Variants in ELOVL4 observed in about 807,000 individuals in gnomAD.
ELOVL4 encodes the protein ELOVL fatty acid elongase 4.
ELOVL4 carries 18 observed loss-of-function variants against 42.1 expected under a neutral mutation model. The observed-to-expected ratio is 0.43, with a 90% confidence interval of 0.30 to 0.63. The LOEUF (loss-of-function observed/expected upper bound fraction) is 0.63, where lower values mean the gene tolerates loss of function less well. Among genes scored for constraint, ELOVL4 ranks in the 30% least tolerant of loss-of-function variants. The pLI, the probability that ELOVL4 is intolerant of heterozygous loss-of-function variation, is 0.15. For missense variants in ELOVL4, 299 were observed against 376.2 expected (o/e 0.79, Z 1.70); for synonymous variants, 117 against 127.0 (o/e 0.92, Z 0.53).
chr6:79,921,470 A>C (rs1774255030), intron 4 of ELOVL4, among the ~76,000 whole-genome samples, 155 bp downstream of exon 4: 1 of 131,054 alleles, frequency 7.6e-6, no homozygotes, highest in Non-Finnish European at 1.6e-5. Context: ...AAAAAAAAAA[A>C]AAAAAAAAAA....
chr6:79,942,786 G>A (rs972994786), intron 1 of ELOVL4, among the ~76,000 whole-genome samples: 1 of 152,108 alleles, frequency 6.6e-6, no homozygotes, highest in Non-Finnish European at 1.5e-5. Flanking sequence ...TGCTATCATT[G>A]GGGAATGGAT....
At chr6:79,939,007 G>GA (rs1222599797) in intron 1 of ELOVL4, among the ~76,000 whole-genome samples, 1 of 152,036 alleles carries the variant, frequency 6.6e-6, no homozygotes, top group East Asian at 1.9e-4. Flanking sequence ...TAAATATATG[G>GA]AAAAAATGCC....
chr6:79,942,218 G>A (rs1044394032), intron 1 of ELOVL4, among the ~76,000 whole-genome samples: 1 of 152,154 alleles, frequency 6.6e-6, no homozygotes, highest in Non-Finnish European at 1.5e-5. Context: ...GAATACTGAA[G>A]GATCAAGCGA....
intron 1 of ELOVL4, among the ~76,000 whole-genome samples, chr6:79,946,568 T>C (rs1427005134): frequency 6.6e-6 from 1 of 152,174 alleles, no homozygotes; most frequent in Non-Finnish European, 1.5e-5. Context: ...TTCAAACATA[T>C]TTGCTGTTGA....
rs1338329967 is a variant in ELOVL4, at chr6:79,919,427, A to C, written c.662T>G (p.Leu221Trp). The change falls in exon 5 of 6, where the codon TTG becomes TGG. Residue 221 changes from leucine (L) to tryptophan (W), a missense_variant. Transcript: ENST00000369816. Reference sequence around the variant, plus strand: ...TGGAAGCATTTAACTCACCAGTTGCAACATAGTCAGGTATCGTTTCCACCA... The same window carrying C: ...TGGAAGCATTTAACTCACCAGTTGCCACATAGTCAGGTATCGTTTCCACCA... ...YLWWKRYLTM[L>W]QLIQFHVTIG... 2 of 1,613,834 alleles carry C rather than the reference A, an allele frequency of 1.2e-6. No homozygotes were observed. Among genetic ancestry groups the C allele is most frequent in the East Asian group, 2.2e-5 (1 of 44,802 alleles).
intron 1 of ELOVL4, among the ~76,000 whole-genome samples, chr6:79,942,711 C>A (rs1033383496): frequency 1.6e-4 from 24 of 152,148 alleles, no homozygotes; most frequent in Non-Finnish European, 2.9e-4. Context: ...TGTCCTGACA[C>A]CCGTTTTAGA....
intron 1 of ELOVL4, among the ~76,000 whole-genome samples, chr6:79,931,965 C>A (rs1174041139): frequency 6.6e-6 from 1 of 152,132 alleles, no homozygotes; most frequent in Non-Finnish European, 1.5e-5. Flanking sequence ...AAATTGAGCT[C>A]AGGAGCAAAA....
At position 79,925,352 on chromosome 6, in the gene ELOVL4, T is replaced by G. The variant is rs75265976; in HGVS notation, c.289-320A>C. ...CAAAGTTGTCCTACCTTAACTGGTT[T>G]CTATGTTTGATCCAGAGTGGTTTGC... On this transcript the variant is annotated intron_variant, in intron 2 of 5. Coordinates refer to ENST00000369816, the MANE Select transcript of ELOVL4 (RefSeq NM_022726.4). Among the ~76,000 whole-genome samples, 713 of 152,316 alleles carry G rather than the reference T, an allele frequency of 4.7e-3. 9 individuals carry two copies. The highest frequency in any genetic ancestry group is 0.016 in the African/African-American group (680 of 41,564).
rs1272226059 is a variant in ELOVL4, at chr6:79,916,789, G to A, written c.764C>T (p.Ala255Val). 6.2e-7 allele frequency: 1 copy of A among 1,614,190 alleles called. No individual in the cohort carries two copies. Among genetic ancestry groups the A allele is most frequent in the Non-Finnish European group, 8.5e-7 (1 of 1,180,032 alleles). Residue 255 changes from alanine (A) to valine (V), a missense_variant, in exon 6 of 6, where the codon GCA (alanine) becomes GTA (valine). Physicochemically the swap from Ala to Val is moderately conservative, Grantham distance 64 (BLOSUM62 0). Coordinates refer to ENST00000369816, the MANE Select transcript of ELOVL4 (RefSeq NM_022726.4). ...AAGAAAGAGAAATATGAAGCTGATT[G>A]CATAGGCAATTAGAGCCCAGTGCAT... The part of the protein sequence containing the change: ...KWMHWALIAY[A>V]ISFIFLFLNF...
intron 1 of ELOVL4, among the ~76,000 whole-genome samples, chr6:79,935,605 G>A (rs1402483768): frequency 6.6e-6 from 1 of 152,144 alleles, no homozygotes; most frequent in East Asian, 1.9e-4. Context: ...ATTTTCGCAT[G>A]TGTAAAGTGA....
At position 79,928,727 on chromosome 6, in the gene ELOVL4, G is replaced by GTTTTTTTTT. The variant is rs34673896; in HGVS notation, c.101-2355_101-2347dup. 2.2e-3 allele frequency among the ~76,000 whole-genome samples: 165 copies of GTTTTTTTTT among 75,600 alleles called. 20 individuals carry two copies. The highest frequency in any genetic ancestry group is 0.01 in the African/African-American group (158 of 15,712). 49.6% of individuals were successfully genotyped at this position (75,600 alleles called of 152,430 possible). A position where few individuals can be genotyped will look rare whatever the true frequency, so the allele number is the denominator to read the frequency against. On this transcript the variant is annotated intron_variant, in intron 1 of 5. Coordinates refer to ENST00000369816, the MANE Select transcript of ELOVL4 (RefSeq NM_022726.4). The stretch of plus-strand genomic sequence containing the variant: ...TACCAGTAAGTAGACTGGTGACTGG[G>GTTTTTTTTT]TTTTTTTTTTTTTTTTTTTTTTTTT...
intron 3 of ELOVL4, among the ~76,000 whole-genome samples, chr6:79,923,855 G>A (rs1056396524): frequency 3.3e-5 from 5 of 152,064 alleles, no homozygotes; most frequent in Middle Eastern, 3.2e-3. Flanking sequence ...ATGAAGATAC[G>A]TACATAAAAT....
intron 1 of ELOVL4, among the ~76,000 whole-genome samples, chr6:79,927,344 C>G (rs1361125685): frequency 6.6e-6 from 1 of 151,994 alleles, no homozygotes; most frequent in African/African-American, 2.4e-5. Context: ...CAATGCAAAA[C>G]ATTTTATGTC....
intron 5 of ELOVL4, 94 bp downstream of exon 5, chr6:79,919,326 A>G (rs1403855123): frequency 2.8e-6 from 4 of 1,417,312 alleles, no homozygotes; most frequent in Non-Finnish European, 4.0e-6. Context: ...TTCATAATAG[A>G]AAATTGTCTA....
rs776979397 is a variant in ELOVL4 at position 79,919,472 on chromosome 6, G to T, written c.617C>A (p.Pro206Gln). Residue 206 changes from proline to glutamine, a missense_variant, in exon 5 of 6, where the codon CCA becomes CAA. Physicochemically the swap from Pro to Gln is moderately conservative, Grantham distance 76. Transcript: ENST00000369816. ...YSYYGLTAFG[P>Q]WIQKYLWWKR... ...CCACCAAAGATATTTCTGAATCCATGGGCCAAATGCAGTTAACCCATAGTA... is the reference window on the plus strand; with the variant it reads ...CCACCAAAGATATTTCTGAATCCATTGGCCAAATGCAGTTAACCCATAGTA... 9 of 1,613,520 alleles carry T rather than the reference G, an allele frequency of 5.6e-6. No individual in the cohort carries two copies. The East Asian group carries it at 2.0e-4, about 36-fold the overall frequency.
chr6:79,923,384 T>C (rs1774289716), intron 3 of ELOVL4, among the ~76,000 whole-genome samples: 1 of 146,370 alleles, frequency 6.8e-6, no homozygotes, highest in African/African-American at 2.6e-5. Flanking sequence ...AAAATTTACA[T>C]CTGTAAGTGA....
intron 1 of ELOVL4, among the ~76,000 whole-genome samples, chr6:79,938,880 T>C (rs1243591405): frequency 1.3e-5 from 2 of 152,218 alleles, no homozygotes; most frequent in Non-Finnish European, 2.9e-5. Flanking sequence ...CTTGCTTGGC[T>C]AGTGTGACGG....
At chr6:79,941,858 G>A (rs1261246087) in intron 1 of ELOVL4, among the ~76,000 whole-genome samples, 1 of 152,140 alleles carries the variant, frequency 6.6e-6, no homozygotes, top group Non-Finnish European at 1.5e-5. Context: ...CTCTGATGTT[G>A]GAGAGAAAGA....
At chr6:79,943,086 C>G (rs959089725) in intron 1 of ELOVL4, among the ~76,000 whole-genome samples, 4 of 151,708 alleles carry the variant, frequency 2.6e-5, no homozygotes, top group Non-Finnish European at 5.9e-5. Context: ...TCAAAGAAAA[C>G]TGCATTACCA....
Sources: allele counts gnomAD v4.1 joint callset (sites outside exome capture counted in the v4.1 genomes callset), GRCh38; gene constraint gnomAD v4.1.1; transcripts MANE v1.5; gene names NCBI Gene and HGNC (gene_info 2026-07-23, HGNC 2026-07-21).